Variants in CNTNAP5 observed in about 807,000 individuals in gnomAD.
The protein encoded by CNTNAP5 is contactin-associated protein-like 5.
A neutral mutation model predicts 150.2 loss-of-function variants in CNTNAP5; 72 were observed. The observed-to-expected ratio is 0.48, with a 90% CI of 0.40 to 0.58. The LOEUF is 0.58. CNTNAP5 is among the 20% of genes least tolerant of loss of function. CNTNAP5 has a pLI of 0.00. For missense variants in CNTNAP5, 1,636 were observed against 1,626.2 expected (o/e 1.01, Z -0.10); for synonymous variants, 672 against 619.8 (o/e 1.08, Z -1.25).
intron 2 of CNTNAP5, among the ~76,000 whole-genome samples, chr2:124,232,688 C>A (rs897511011): frequency 6.6e-5 from 10 of 152,086 alleles, no homozygotes; most frequent in African/African-American, 1.9e-4. Context: ...TTGATCATGT[C>A]TGGACTTTAA....
At chr2:124,536,169 A>C (rs1695227400) in intron 10 of CNTNAP5, among the ~76,000 whole-genome samples, 1 of 152,188 alleles carries the variant, frequency 6.6e-6, no homozygotes, top group Non-Finnish European at 1.5e-5. Context: ...GGCCAAAATC[A>C]AAACAAGATC....
chr2:124,671,190 T>C (rs908290011), intron 13 of CNTNAP5, among the ~76,000 whole-genome samples: 1 of 152,222 alleles, frequency 6.6e-6, no homozygotes, highest in African/African-American at 2.4e-5. Flanking sequence ...CCAAGAAATG[T>C]TTAGAAAGTT....
At chr2:124,605,601 G>A (rs753435186) in intron 11 of CNTNAP5, among the ~76,000 whole-genome samples, 16 of 152,012 alleles carry the variant, frequency 1.1e-4, no homozygotes, top group East Asian at 3.9e-4. Context: ...TGGATCACAC[G>A]GTCAGGAATT....
chr2:124,083,586 G>C (rs1002452490), intron 1 of CNTNAP5, among the ~76,000 whole-genome samples: 1 of 151,780 alleles, frequency 6.6e-6, no homozygotes, highest in East Asian at 1.9e-4. Flanking sequence ...CTACTGAATT[G>C]CTTTTGAGTT....
chr2:124,395,630 C>CT (rs1419922218), intron 3 of CNTNAP5, among the ~76,000 whole-genome samples: 1 of 152,122 alleles, frequency 6.6e-6, no homozygotes, highest in East Asian at 1.9e-4. Context: ...AGGTCACATA[C>CT]TGTGCCAAAA....
At chr2:124,154,366 G>A (rs142374183) in intron 1 of CNTNAP5, among the ~76,000 whole-genome samples, 1 of 152,258 alleles carries the variant, frequency 6.6e-6, no homozygotes, top group Non-Finnish European at 1.5e-5. Flanking sequence ...AAGGAAGAAA[G>A]GGCATGGCAA....
chr2:124,490,567 C>A (rs550283229), intron 7 of CNTNAP5, among the ~76,000 whole-genome samples: 25 of 152,114 alleles, frequency 1.6e-4, no homozygotes, highest in African/African-American at 6.0e-4. Context: ...ACAATTTCTA[C>A]CTTAGTGTCA....
intron 8 of CNTNAP5, among the ~76,000 whole-genome samples, chr2:124,515,578 C>T (rs1694693155): frequency 6.6e-6 from 1 of 152,132 alleles, no homozygotes; most frequent in Non-Finnish European, 1.5e-5. Flanking sequence ...ACTGTGCTAG[C>T]TGGCTGTGAT....
At chr2:124,197,917 C>T (rs1685628615) in intron 1 of CNTNAP5, among the ~76,000 whole-genome samples, 1 of 151,702 alleles carries the variant, frequency 6.6e-6, no homozygotes, top group Non-Finnish European at 1.5e-5. Context: ...GGAAGCGGAG[C>T]TTGCAGTGAG....
chr2:124,785,400 G>A (rs565698888), intron 17 of CNTNAP5, among the ~76,000 whole-genome samples: 3 of 152,152 alleles, frequency 2.0e-5, no homozygotes, highest in Non-Finnish European at 4.4e-5. Flanking sequence ...ATTTTTAGAA[G>A]TATTTTTTGT....
At chr2:124,699,688 T>C (rs1166116246) in intron 13 of CNTNAP5, among the ~76,000 whole-genome samples, 7 of 152,124 alleles carry the variant, frequency 4.6e-5, no homozygotes, top group Non-Finnish European at 8.8e-5. Context: ...TTGATGGAGG[T>C]GGTCAAGACA....
chr2:124,218,106 T>A (rs1686207968), intron 1 of CNTNAP5, among the ~76,000 whole-genome samples: 1 of 151,696 alleles, frequency 6.6e-6, no homozygotes. Context: ...ATACATATTT[T>A]AAAAAATATA....
In CNTNAP5 at chr2:124,165,169, G is replaced by A. The variant is rs137892761; in HGVS notation, c.83-56536G>A. Among the ~76,000 whole-genome samples the A allele has an allele frequency of 5.6e-3, 851 of 152,288 alleles. 9 individuals carry two copies. The highest frequency in any genetic ancestry group is 0.019 in the African/African-American group (779 of 41,574). On this transcript the variant is annotated intron_variant, in intron 1 of 23. Transcript: ENST00000682447. ...TATAAACAGAGTTTCTAACAGGGCAGCTAATGTGTTCATAGTCAAAGCCAC... is the reference window on the plus strand; with the variant it reads ...TATAAACAGAGTTTCTAACAGGGCAACTAATGTGTTCATAGTCAAAGCCAC...
At chr2:124,582,886 G>T (rs1696447114) in intron 11 of CNTNAP5, among the ~76,000 whole-genome samples, 1 of 152,038 alleles carries the variant, frequency 6.6e-6, no homozygotes, top group African/African-American at 2.4e-5. Flanking sequence ...TTCCTTATAT[G>T]ATGATTTTGT....
intron 1 of CNTNAP5, among the ~76,000 whole-genome samples, chr2:124,119,332 T>C (rs1281909700): frequency 6.6e-6 from 1 of 150,610 alleles, no homozygotes; most frequent in East Asian, 2.0e-4. Flanking sequence ...TTTTCTCTTT[T>C]TAGAATGAAC....
At chr2:124,401,805 G>A (rs1691433136) in intron 3 of CNTNAP5, among the ~76,000 whole-genome samples, 2 of 152,218 alleles carry the variant, frequency 1.3e-5, no homozygotes, top group South Asian at 2.1e-4. Context: ...AGTGAGGGTA[G>A]CGATGCAGTA....
At chr2:124,195,501 G>A (rs1445223955) in intron 1 of CNTNAP5, among the ~76,000 whole-genome samples, 1 of 152,144 alleles carries the variant, frequency 6.6e-6, no homozygotes, top group Non-Finnish European at 1.5e-5. Flanking sequence ...GAGTGGACAT[G>A]GCTGTGATCT....
intron 3 of CNTNAP5, among the ~76,000 whole-genome samples, chr2:124,340,809 G>A (rs1398639992): frequency 2.8e-5 from 4 of 142,964 alleles, no homozygotes; most frequent in South Asian, 2.2e-4. Flanking sequence ...ATGTATACAT[G>A]TATATATATA....
intron 1 of CNTNAP5, among the ~76,000 whole-genome samples, chr2:124,078,680 C>T (rs1318129345): frequency 6.6e-6 from 1 of 152,184 alleles, no homozygotes; most frequent in East Asian, 1.9e-4. Context: ...ATCCTCAAAA[C>T]CACTGTTATG....
Sources: allele counts gnomAD v4.1 joint callset (sites outside exome capture counted in the v4.1 genomes callset), GRCh38; gene constraint gnomAD v4.1.1; transcripts MANE v1.5; gene names NCBI Gene and HGNC (gene_info 2026-07-23, HGNC 2026-07-21).